The following TXNRD2 variants were observed in gnomAD, a reference collection of about 807,000 sequenced individuals.
TXNRD2 encodes the protein thioredoxin reductase 2.
A neutral mutation model predicts 70.8 loss-of-function variants in TXNRD2; 67 were observed. The observed-to-expected ratio is 0.95, with a 90% confidence interval of 0.78 to 1.16. The LOEUF (loss-of-function observed/expected upper bound fraction) is 1.16. Among genes scored for constraint, TXNRD2 ranks in the 50% most tolerant of loss-of-function variants. The pLI, the probability that TXNRD2 is intolerant of heterozygous loss-of-function variation, is 0.00. For missense variants in TXNRD2, 644 were observed against 719.9 expected (o/e 0.89, Z 1.21); for synonymous variants, 301 against 295.8 (o/e 1.02, Z -0.18).
At chr22:19,924,061 T>C (rs1447821093) in intron 2 of TXNRD2, among the ~76,000 whole-genome samples, 1 of 151,704 alleles carries the variant, frequency 6.6e-6, no homozygotes, top group Non-Finnish European at 1.5e-5. Flanking sequence ...TGTGCAGCGG[T>C]GCGATCACAG....
chr22:19,915,652 T>C, intron 6 of TXNRD2, 113 bp downstream of exon 6: 1 of 971,856 alleles, frequency 1.0e-6, no homozygotes, highest in South Asian at 1.3e-5. Context: ...ACCTTTTTGA[T>C]TCCAGCAGCA....
At position 19,918,814 on chromosome 22, in the gene TXNRD2, A is replaced by T. The variant is rs1438101949; in HGVS notation, c.374+46T>A. 2.5e-6 allele frequency: 4 copies of T among 1,596,458 alleles called. No homozygotes were observed. In the African/African-American group the frequency reaches 4.0e-5, roughly 16 times the overall value. On this transcript the variant is annotated intron_variant, in intron 4 of 17. Transcript: ENST00000400521. The stretch of plus-strand genomic sequence containing the variant: ...TAAGCCTCCTCTTCCTCTTCCACCC[A>T]AGAGTAGAAGAAAAGCACTGGAATG...
rs5993849 is a variant in TXNRD2, at chr22:19,878,671, G to C, written c.1276-234C>G. 0.27 allele frequency among the ~76,000 whole-genome samples: 41,806 copies of C among 152,202 alleles called. 8,828 individuals carry two copies. The highest frequency in any genetic ancestry group is 0.59 in the African/African-American group (24,493 of 41,516). On this transcript the variant is annotated intron_variant, in intron 14 of 17. Coordinates refer to ENST00000400521, the MANE Select transcript of TXNRD2 (RefSeq NM_006440.5). ...AGCCATGCTCTGCAGGACAGACCCT[G>C]TCCCACCCAGGCCTGGGACCCCCGT...
chr22:19,935,913 G>A (rs906925844), intron 1 of TXNRD2, among the ~76,000 whole-genome samples: 2 of 152,170 alleles, frequency 1.3e-5, no homozygotes, highest in Admixed American at 1.3e-4. Context: ...AGTTGTCTGT[G>A]TATTCTCCGG....
At chr22:19,912,412 G>A (rs752446777) in intron 7 of TXNRD2, among the ~76,000 whole-genome samples, 3 of 152,160 alleles carry the variant, frequency 2.0e-5, no homozygotes, top group Middle Eastern at 3.4e-3. Flanking sequence ...GACCAGGAGC[G>A]CCTGCTGGAT....
At chr22:19,940,985 G>A (rs1054582277) in intron 1 of TXNRD2, among the ~76,000 whole-genome samples, 2 of 152,112 alleles carry the variant, frequency 1.3e-5, no homozygotes, top group African/African-American at 2.4e-5. Context: ...CCCTGACCCC[G>A]TCCTTACACC....
intron 11 of TXNRD2, among the ~76,000 whole-genome samples, chr22:19,890,855 C>T (rs1466294209): frequency 1.3e-5 from 2 of 152,222 alleles, no homozygotes; most frequent in African/African-American, 2.4e-5. Context: ...TGCCAGCAAA[C>T]AGTGCCTGGG....
At chr22:19,880,763 T>G in intron 12 of TXNRD2, 46 bp from the exon 13 acceptor site, 5 of 1,408,718 alleles carry the variant, frequency 3.5e-6, no homozygotes, top group South Asian at 1.2e-5. Context: ...TGTCCGGGGT[T>G]ATATGCAGCC....
At chr22:19,916,333 C>CT (rs55971809) in intron 5 of TXNRD2, 9,903 of 159,236 alleles carry the variant, frequency 0.062, 213 homozygotes, top group South Asian at 0.12. Context: ...GCTTTCTTTT[C>CT]TTTTTTTTTT....
intron 5 of TXNRD2, among the ~76,000 whole-genome samples, chr22:19,917,075 G>A (rs1031519341): frequency 2.6e-5 from 4 of 152,216 alleles, no homozygotes; most frequent in South Asian, 2.1e-4. Context: ...CGACAGCCAG[G>A]AAGCTGCCAC....
chr22:19,899,089 G>A lies in TXNRD2; in HGVS notation c.663-21C>T, dbSNP rs370549828. The A allele has an allele frequency of 6.2e-6, 10 of 1,607,178 alleles. No homozygotes were observed. The African/African-American group carries it at 1.1e-4, about 17-fold the overall frequency. ...CCAACCTGTTAGAGAAACAGAGAGAGAGCACATGTAAAGCTGAGGCCCTTA... is the reference window on the plus strand; with the variant it reads ...CCAACCTGTTAGAGAAACAGAGAGAAAGCACATGTAAAGCTGAGGCCCTTA... On this transcript the variant is annotated intron_variant, in intron 8 of 17. Transcript: ENST00000400521.
At chr22:19,911,703 C>T (rs555211021) in intron 7 of TXNRD2, among the ~76,000 whole-genome samples, 9 of 152,300 alleles carry the variant, frequency 5.9e-5, no homozygotes, top group African/African-American at 2.2e-4. Context: ...CCCCAGGACC[C>T]TCCCCTTGAC....
chr22:19,938,354 G>A (rs954138897), intron 1 of TXNRD2, among the ~76,000 whole-genome samples: 3 of 152,186 alleles, frequency 2.0e-5, no homozygotes, highest in African/African-American at 4.8e-5. Context: ...TTTAAACAAA[G>A]GAGATAAGAC....
In TXNRD2 at chr22:19,883,355, G is replaced by A. The variant is rs772907966; in HGVS notation, c.1056C>T (p.Pro352=). The A allele has an allele frequency of 3.1e-6, 5 of 1,613,990 alleles. No individual in the cohort carries two copies. In the East Asian group the frequency reaches 8.9e-5, roughly 29 times the overall value. The part of the protein sequence containing the change: ...LVDSREATSV[P]HIYAIGDVVE... ...CCACGTCACCAATGGCGTAGATGTG[G>A]GGCACAGAGGTGGCTTCCCGGGAGT... Residue 352 remains proline (P), a synonymous_variant, in exon 12 of 18, where the codon CCC becomes CCT. Transcript: ENST00000400521.
At chr22:19,911,779 C>G (rs1940423335) in intron 7 of TXNRD2, among the ~76,000 whole-genome samples, 1 of 152,182 alleles carries the variant, frequency 6.6e-6, no homozygotes, top group African/African-American at 2.4e-5. Context: ...TACAGGCAGA[C>G]AGCTGGGACC....
At chr22:19,927,367 G>A (rs1275906719) in intron 2 of TXNRD2, among the ~76,000 whole-genome samples, 1 of 151,974 alleles carries the variant, frequency 6.6e-6, no homozygotes, top group Non-Finnish European at 1.5e-5. Flanking sequence ...TGGAAATACA[G>A]TACTCCACTG....
intron 1 of TXNRD2, 83 bp from the exon 2 acceptor site, chr22:19,931,181 C>A (rs1941346314): frequency 1.6e-6 from 2 of 1,280,200 alleles, no homozygotes; most frequent in Non-Finnish European, 2.3e-6. Flanking sequence ...ATTGGACACT[C>A]CATTCTGTGA....
intron 6 of TXNRD2, 89 bp downstream of exon 6, chr22:19,915,676 A>C (rs1339860586): frequency 8.1e-7 from 1 of 1,228,712 alleles, no homozygotes; most frequent in Non-Finnish European, 1.2e-6. Context: ...GTTACTAAGA[A>C]CAGCACCCAG....
rs931810249 is a variant in TXNRD2, at chr22:19,877,082, G to A, written c.*23C>T. ...GGAGCTGGCGGCGGGCGCACCGTGT[G>A]CCCTGGCCTGCAGGGATGGCGCTTA... On this transcript the variant is annotated 3_prime_UTR_variant, in exon 17 of 18. Transcript: ENST00000400521. 1.9e-6 allele frequency: 3 copies of A among 1,585,966 alleles called. No individual in the cohort carries two copies. In the South Asian group the frequency reaches 3.3e-5, roughly 18 times the overall value.
Sources: gnomAD v4.1 joint callset for allele counts (sites outside exome capture counted in the v4.1 genomes callset) on GRCh38, gnomAD v4.1.1 for gene constraint, MANE v1.5 for transcripts, NCBI Gene and HGNC (gene_info 2026-07-23, HGNC 2026-07-21) for gene names.